Variants in RGSL1 observed in about 807,000 individuals in gnomAD.
RGSL1 encodes regulator of G protein signaling like 1.
A neutral mutation model predicts 124.7 loss-of-function variants in RGSL1; 97 were observed. The ratio of observed to expected loss-of-function variants is 0.78; its 90% confidence interval spans 0.66 to 0.92. The LOEUF (loss-of-function observed/expected upper bound fraction) is 0.92, where lower values mean the gene tolerates loss of function less well. Among genes scored for constraint, RGSL1 ranks in the 40% least tolerant of loss-of-function variants. The probability of loss-of-function intolerance (pLI) is 0.00; values close to 1 mark genes in which losing one functional copy is unlikely to be tolerated. For synonymous variants in RGSL1, 424 were observed against 438.1 expected (o/e 0.97, Z 0.40); for missense variants, 1,233 against 1,288.4 (o/e 0.96, Z 0.66).
At chr1:182,456,046 G>A (rs931212194) in intron 2 of RGSL1, among the ~76,000 whole-genome samples, 3 of 152,240 alleles carry the variant, frequency 2.0e-5, no homozygotes, top group Middle Eastern at 3.4e-3. Context: ...GGGGAGAGGA[G>A]GATGGGATAA....
Position 182,460,058 on chromosome 1 carries a change from T to C in RGSL1, c.226T>C (p.Phe76Leu), listed in dbSNP as rs1403931074. The change falls in exon 4 of 22, where the codon TTC becomes CTC. Residue 76 changes from phenylalanine (F) to leucine (L), a missense_variant. Transcript: ENST00000294854. Reference sequence around the variant, plus strand: ...GTTGGAAAAATGCCGATTACCTTTCTTCTGTAAAACAAACTTGTGTTTCCA... The same window carrying C: ...GTTGGAAAAATGCCGATTACCTTTCCTCTGTAAAACAAACTTGTGTTTCCA... ...TWLEKCRLPFFCKTNLCFHYI... is the reference protein window; with the variant it reads ...TWLEKCRLPFLCKTNLCFHYI... 1.2e-5 allele frequency: 18 copies of C among 1,551,642 alleles called. No homozygotes were observed. In the East Asian group the frequency reaches 4.4e-4, roughly 38 times the overall value.
At chr1:182,475,752 T>C (rs1186540440) in intron 6 of RGSL1, among the ~76,000 whole-genome samples, 1 of 152,120 alleles carries the variant, frequency 6.6e-6, no homozygotes, top group Non-Finnish European at 1.5e-5. Context: ...AGGGAACAGA[T>C]TGATGTGGCG....
chr1:182,522,335 T>TATCATAGAC (rs1414081796), intron 10 of RGSL1, among the ~76,000 whole-genome samples: 1 of 152,198 alleles, frequency 6.6e-6, no homozygotes, highest in Non-Finnish European at 1.5e-5. Flanking sequence ...AAACTTAAAC[T>TATCATAGAC]ATCATAGACA....
At chr1:182,450,122 A>G, upstream of RGSL1, 2 of 1,551,690 alleles carry the variant, frequency 1.3e-6, no homozygotes, top group Non-Finnish European at 1.7e-6. Flanking sequence ...CTGGGGGGTA[A>G]TTCTGCCCCT....
chr1:182,526,047 G>T (rs1223882622), intron 10 of RGSL1, among the ~76,000 whole-genome samples: 3 of 152,072 alleles, frequency 2.0e-5, no homozygotes, highest in African/African-American at 7.2e-5. Flanking sequence ...AGGAAAAGTA[G>T]AAAATGTGAA....
At chr1:182,498,383 TTCCTTTTC>T (rs1656094657) in intron 9 of RGSL1, among the ~76,000 whole-genome samples, 1 of 152,142 alleles carries the variant, frequency 6.6e-6, no homozygotes, top group South Asian at 2.1e-4. Context: ...AAGAGCCTCA[TTCCTTTTC>T]TTAGAGAATG....
intron 10 of RGSL1, among the ~76,000 whole-genome samples, chr1:182,524,226 G>A (rs910631182): frequency 6.6e-6 from 1 of 152,192 alleles, no homozygotes; most frequent in Non-Finnish European, 1.5e-5. Flanking sequence ...GGGTTTGTTG[G>A]AGCAGCAGGT....
chr1:182,549,722 G>A (rs966462261), intron 17 of RGSL1: 1 of 152,104 alleles, frequency 6.6e-6, no homozygotes, highest in Non-Finnish European at 1.5e-5. Context: ...TAAAATAGAA[G>A]TGTGAAATTG....
intron 6 of RGSL1, among the ~76,000 whole-genome samples, chr1:182,474,897 C>T (rs146816796): frequency 5.3e-5 from 8 of 152,286 alleles, no homozygotes; most frequent in African/African-American, 9.6e-5. Flanking sequence ...TTATGAGAAT[C>T]GAATGCCTGA....
chr1:182,528,228 C>CA (rs1658900332), intron 11 of RGSL1, among the ~76,000 whole-genome samples: 1 of 152,070 alleles, frequency 6.6e-6, no homozygotes, highest in South Asian at 2.1e-4. Flanking sequence ...AAACCACCCC[C>CA]ATGATTCAAT....
At chr1:182,543,040 A>G (rs1196584833) in intron 15 of RGSL1, among the ~76,000 whole-genome samples, 6 of 152,016 alleles carry the variant, frequency 3.9e-5, no homozygotes, top group Non-Finnish European at 8.8e-5. Flanking sequence ...AATGCCCTTT[A>G]TTTCTTTCTC....
intron 17 of RGSL1, 37 bp from the exon 18 acceptor site, chr1:182,551,063 G>A: frequency 6.9e-7 from 1 of 1,440,160 alleles, no homozygotes; most frequent in Non-Finnish European, 9.6e-7. Context: ...CTCCACTGGG[G>A]GTTCCCTCCT....
chr1:182,544,291 T>C (rs1440227459), intron 15 of RGSL1, among the ~76,000 whole-genome samples: 2 of 152,130 alleles, frequency 1.3e-5, no homozygotes, highest in Non-Finnish European at 2.9e-5. Flanking sequence ...TTAATTTCCA[T>C]ATACTGTAGG....
Position 182,550,847 on chromosome 1 carries a change from A to G in RGSL1, c.2934-253A>G, listed in dbSNP as rs570626786. ...AGTAGGCCCTTTACAGGCTCCATTC[A>G]CTGATGGTTCCAGAAAGAAGCCCCA... On this transcript the variant is annotated intron_variant, in intron 17 of 21. Coordinates refer to ENST00000294854, the MANE Select transcript of RGSL1 (RefSeq NM_001137669.2). 14 of 486,766 alleles carry G rather than the reference A, an allele frequency of 2.9e-5. No homozygotes were observed. The East Asian group carries it at 3.1e-4, about 11-fold the overall frequency. The allele number at this position is 486,766 out of a possible 1,614,324, so 30.2% of individuals were successfully genotyped here. A position where few individuals can be genotyped will look rare whatever the true frequency, so the allele number is the denominator to read the frequency against.
chr1:182,532,803 C>A lies in RGSL1; in HGVS notation c.2494+12C>A. The A allele has an allele frequency of 6.5e-7, 1 of 1,546,798 alleles. No homozygotes were observed. Among genetic ancestry groups the A allele is most frequent in the South Asian group, 1.2e-5 (1 of 83,838 alleles). ...AAATAGCAAGGAAAGTAAGTCATTT[C>A]TGTATTTACCCCCACTCCCTGTTGA... On this transcript the variant is annotated intron_variant, in intron 14 of 21. Transcript: ENST00000294854.
intron 9 of RGSL1, 104 bp downstream of exon 9, chr1:182,493,233 A>T: frequency 1.3e-6 from 1 of 773,132 alleles, no homozygotes; most frequent in Non-Finnish European, 2.1e-6. Context: ...CAAAAGAGGA[A>T]CCATGCTCTG....
intron 4 of RGSL1, among the ~76,000 whole-genome samples, chr1:182,468,221 G>GATCTAGA (rs1250298234): frequency 6.6e-6 from 1 of 152,172 alleles, no homozygotes; most frequent in Non-Finnish European, 1.5e-5. Context: ...ATTCCTCAGG[G>GATCTAGA]ATCTAGAACT....
intron 18 of RGSL1, among the ~76,000 whole-genome samples, chr1:182,552,764 A>G (rs549146316): frequency 4.1e-4 from 62 of 152,310 alleles, no homozygotes; most frequent in African/African-American, 1.5e-3. Flanking sequence ...ACGCTGCATC[A>G]CCCCATGGTG....
rs769388157 is a variant in RGSL1 at position 182,472,513 on chromosome 1, T to C, written c.419T>C (p.Leu140Pro). The C allele has an allele frequency of 1.3e-6, 2 of 1,549,612 alleles. No homozygotes were observed. Among genetic ancestry groups the C allele is most frequent in the African/African-American group, 1.4e-5 (1 of 73,150 alleles). ...CTCCTCATGCTGAGGGCCACTCATC[T>C]GCAGGAGGGCTCCAGGGTGGTAACC... ...SLLLMLRATH[L>P]QEGSRVVTLC... The change falls in exon 5 of 22, where the codon CTG becomes CCG. Residue 140 changes from leucine to proline, a missense_variant. Leu to Pro is a moderately conservative substitution (Grantham distance 98). Coordinates refer to ENST00000294854, the MANE Select transcript of RGSL1 (RefSeq NM_001137669.2).
Sources: gnomAD v4.1 joint callset for allele counts (sites outside exome capture counted in the v4.1 genomes callset) on GRCh38, gnomAD v4.1.1 for gene constraint, MANE v1.5 for transcripts, NCBI Gene and HGNC (gene_info 2026-07-23, HGNC 2026-07-21) for gene names.